The following PRR16 variants were observed in gnomAD, a reference collection of about 807,000 sequenced individuals.
PRR16 encodes the protein protein Largen.
Under a neutral mutation model 18.2 loss-of-function variants are expected in PRR16, and 6 were observed. That is an observed-to-expected ratio of 0.33 (90% CI 0.18 to 0.65). PRR16 has a LOEUF of 0.65. Among genes scored for constraint, PRR16 ranks in the 30% least tolerant of loss-of-function variants. The pLI is 0.74. For synonymous variants in PRR16, 151 were observed against 147.8 expected (o/e 1.02, Z -0.16); for missense variants, 412 against 376.6 (o/e 1.09, Z -0.78).
the PRR16 span, among the ~76,000 whole-genome samples, chr5:120,712,063 A>C: frequency 6.6e-6 from 1 of 152,164 alleles, no homozygotes; most frequent in East Asian, 1.9e-4. Context: ...TCTGTATATC[A>C]CTAATGACTG....
At chr5:120,549,599 G>A (rs1752188305) in intron 1 of PRR16, among the ~76,000 whole-genome samples, 1 of 151,838 alleles carries the variant, frequency 6.6e-6, no homozygotes, top group South Asian at 2.1e-4. Context: ...ACTCAGGCAG[G>A]CCTCCTTTCT....
the PRR16 span, among the ~76,000 whole-genome samples, chr5:120,742,429 T>G: frequency 6.6e-6 from 1 of 151,790 alleles, no homozygotes; most frequent in East Asian, 1.9e-4. Context: ...AGATTCTTGA[T>G]AAGTATCTTC....
At chr5:120,526,940 A>G (rs1032596049) in intron 1 of PRR16, among the ~76,000 whole-genome samples, 3 of 152,132 alleles carry the variant, frequency 2.0e-5, no homozygotes, top group African/African-American at 7.2e-5. Context: ...TATAGTGGCA[A>G]TATTGTACAG....
chr5:120,729,045 G>C, the PRR16 span, among the ~76,000 whole-genome samples: 1 of 151,970 alleles, frequency 6.6e-6, no homozygotes, highest in Admixed American at 6.6e-5. Context: ...AAACCAGTGG[G>C]GTTCTGATAG....
chr5:120,774,375 A>T, the PRR16 span, among the ~76,000 whole-genome samples: 1 of 151,974 alleles, frequency 6.6e-6, no homozygotes, highest in African/African-American at 2.4e-5. Flanking sequence ...TTTCTCATGA[A>T]TTTTTTTCTT....
At chr5:120,518,163 C>T (rs6861448) in intron 1 of PRR16, among the ~76,000 whole-genome samples, 54 of 152,166 alleles carry the variant, frequency 3.5e-4, no homozygotes, top group African/African-American at 1.1e-3. Context: ...TAATACATAT[C>T]GCTCATAGGC....
At chr5:120,529,555 G>A (rs1047612048) in intron 1 of PRR16, among the ~76,000 whole-genome samples, 1 of 152,098 alleles carries the variant, frequency 6.6e-6, no homozygotes, top group African/African-American at 2.4e-5. Context: ...TTATCTATTT[G>A]AATTAAGTGC....
intron 1 of PRR16, among the ~76,000 whole-genome samples, chr5:120,528,647 A>G (rs549332623): frequency 9.2e-5 from 14 of 152,262 alleles, no homozygotes; most frequent in Admixed American, 8.5e-4. Context: ...CTCAATTTTA[A>G]GAGTACAAAG....
At chr5:120,664,045 T>G (rs886207310) in intron 1 of PRR16, among the ~76,000 whole-genome samples, 2 of 152,164 alleles carry the variant, frequency 1.3e-5, no homozygotes, top group Non-Finnish European at 2.9e-5. Context: ...ATGCCTGTAA[T>G]CTCAGTACTT....
intron 1 of PRR16, among the ~76,000 whole-genome samples, chr5:120,549,793 T>G (rs1360339620): frequency 1.3e-5 from 2 of 152,078 alleles, no homozygotes; most frequent in Non-Finnish European, 2.9e-5. Context: ...CAAATGCTTT[T>G]GGAACACGTA....
chr5:120,706,626 A>G, the PRR16 span, among the ~76,000 whole-genome samples: 1 of 152,216 alleles, frequency 6.6e-6, no homozygotes, highest in Non-Finnish European at 1.5e-5. Context: ...AAAAAGTAAC[A>G]TTTACTAAGC....
chr5:120,498,335 AC>A (rs1750329521), intron 1 of PRR16, among the ~76,000 whole-genome samples: 1 of 148,942 alleles, frequency 6.7e-6, no homozygotes, highest in Non-Finnish European at 1.5e-5. Flanking sequence ...ATACATATAT[AC>A]ATATACATAT....
chr5:120,481,215 T>C, intron 1 of PRR16: 1 of 651,674 alleles, frequency 1.5e-6, no homozygotes, highest in South Asian at 1.5e-5. Context: ...TGGCACAATC[T>C]GGGCTCACTG....
intron 1 of PRR16, among the ~76,000 whole-genome samples, chr5:120,645,705 C>T (rs1755569120): frequency 6.6e-6 from 1 of 151,948 alleles, no homozygotes; most frequent in Non-Finnish European, 1.5e-5. Context: ...AAGTCAAAAG[C>T]CCAATTATTT....
chr5:120,627,112 T>C (rs957252764), intron 1 of PRR16, among the ~76,000 whole-genome samples: 2 of 152,164 alleles, frequency 1.3e-5, no homozygotes, highest in Non-Finnish European at 2.9e-5. Context: ...CTTTTGATTT[T>C]CGCTAAATTG....
chr5:120,656,392 C>T (rs79166541), intron 1 of PRR16, among the ~76,000 whole-genome samples: 9,807 of 149,538 alleles, frequency 0.066, 343 homozygotes, highest in South Asian at 0.083. Flanking sequence ...AAACTGTTAT[C>T]TTCCTCCATA....
At chr5:120,534,466 T>G (rs193226074) in intron 1 of PRR16, among the ~76,000 whole-genome samples, 25 of 152,336 alleles carry the variant, frequency 1.6e-4, no homozygotes, top group African/African-American at 5.5e-4. Context: ...GTCTAACAAC[T>G]GTTTTACACT....
intron 1 of PRR16, among the ~76,000 whole-genome samples, chr5:120,643,638 A>G (rs2122193): frequency 0.27 from 40,681 of 152,028 alleles, 6,386 homozygotes; most frequent in Middle Eastern, 0.43. Flanking sequence ...AGTGTAAGCA[A>G]CAGGTCATCT....
At chr5:120,787,245 CTAACAAT>C in the PRR16 span, among the ~76,000 whole-genome samples, 3 of 150,390 alleles carry the variant, frequency 2.0e-5, no homozygotes, top group African/African-American at 7.5e-5. Flanking sequence ...TATTTTATAA[CTAACAAT>C]AATGGAAGTT....
Sources: gnomAD v4.1 joint callset for allele counts (sites outside exome capture counted in the v4.1 genomes callset) on GRCh38, gnomAD v4.1.1 for gene constraint, MANE v1.5 for transcripts, NCBI Gene and HGNC (gene_info 2026-07-23, HGNC 2026-07-21) for gene names.